MARCHF4: variants seen among roughly 807,000 people sequenced by gnomAD.
MARCHF4 encodes membrane associated ring-CH-type finger 4.
A neutral mutation model predicts 43.9 loss-of-function variants in MARCHF4; 14 were observed. That is an observed-to-expected ratio of 0.32 (90% CI 0.21 to 0.50). The LOEUF (loss-of-function observed/expected upper bound fraction) is 0.50, where lower values mean the gene tolerates loss of function less well. Among genes scored for constraint, MARCHF4 ranks in the 20% least tolerant of loss-of-function variants. MARCHF4 has a pLI of 0.98. For synonymous variants in MARCHF4, 226 were observed against 213.3 expected (o/e 1.06, Z -0.52); for missense variants, 468 against 536.7 (o/e 0.87, Z 1.27).
At chr2:216,352,310 T>C (rs1692415056) in intron 1 of MARCHF4, among the ~76,000 whole-genome samples, 1 of 152,148 alleles carries the variant, frequency 6.6e-6, no homozygotes. Context: ...CCAGGCTGGG[T>C]TAGGCCAGGG....
At chr2:216,355,535 T>C (rs784553) in intron 1 of MARCHF4, among the ~76,000 whole-genome samples, 111,037 of 152,146 alleles carry the variant, frequency 0.73, 41,926 homozygotes, top group East Asian at 0.96. Context: ...GGAGGAACCT[T>C]TCTCTAGGGT....
intron 1 of MARCHF4, among the ~76,000 whole-genome samples, chr2:216,340,736 C>T (rs1441613639): frequency 6.6e-6 from 1 of 152,162 alleles, no homozygotes. Context: ...GTCTATGAGC[C>T]AAGTATTTCA....
intron 1 of MARCHF4, among the ~76,000 whole-genome samples, chr2:216,306,752 C>G (rs1257583197): frequency 6.6e-6 from 1 of 152,068 alleles, no homozygotes; most frequent in African/African-American, 2.4e-5. Flanking sequence ...TGAACTGAGG[C>G]TAGAAATGAG....
intron 2 of MARCHF4, among the ~76,000 whole-genome samples, chr2:216,280,695 A>G (rs1691113581): frequency 1.3e-5 from 2 of 151,938 alleles, no homozygotes; most frequent in African/African-American, 4.8e-5. Context: ...CTACGCCACC[A>G]CTCGGTAGCT....
At chr2:216,337,094 G>A (rs908699540) in intron 1 of MARCHF4, among the ~76,000 whole-genome samples, 4 of 151,590 alleles carry the variant, frequency 2.6e-5, no homozygotes, top group Admixed American at 1.3e-4. Flanking sequence ...GGAGGTTGCA[G>A]TGAGCTGAGA....
At chr2:216,318,127 C>G (rs1401815977) in intron 1 of MARCHF4, 2 of 152,236 alleles carry the variant, frequency 1.3e-5, no homozygotes, top group Non-Finnish European at 2.9e-5. Context: ...GCCTTCATGT[C>G]TTTACTCTCA....
chr2:216,269,626 A>G (rs536589238), intron 3 of MARCHF4, among the ~76,000 whole-genome samples: 1 of 151,860 alleles, frequency 6.6e-6, no homozygotes, highest in African/African-American at 2.4e-5. Flanking sequence ...ATCCACCCTG[A>G]TCAAGCGCTT....
intron 3 of MARCHF4, among the ~76,000 whole-genome samples, chr2:216,275,664 G>C (rs1199068004): frequency 6.6e-6 from 1 of 152,188 alleles, no homozygotes; most frequent in African/African-American, 2.4e-5. Flanking sequence ...CTTCAAATCT[G>C]TAGAGCCATT....
intron 1 of MARCHF4, among the ~76,000 whole-genome samples, chr2:216,360,468 C>T (rs2105984106): frequency 6.6e-6 from 1 of 152,066 alleles, no homozygotes; most frequent in East Asian, 1.9e-4. Flanking sequence ...CAAAAAGACA[C>T]CGAGACATGG....
chr2:216,263,394 TCCAG>T (rs1690774661), intron 3 of MARCHF4, among the ~76,000 whole-genome samples: 1 of 148,732 alleles, frequency 6.7e-6, no homozygotes, highest in South Asian at 2.1e-4. Flanking sequence ...GCCACTGCAC[TCCAG>T]CCTGGGTGCC....
intron 1 of MARCHF4, among the ~76,000 whole-genome samples, chr2:216,284,429 C>T (rs1295526227): frequency 6.6e-6 from 1 of 152,184 alleles, no homozygotes; most frequent in Non-Finnish European, 1.5e-5. Flanking sequence ...TTCCCATGAC[C>T]ATATGTCAGA....
chr2:216,343,034 C>T (rs767818031), intron 1 of MARCHF4, among the ~76,000 whole-genome samples: 1 of 152,114 alleles, frequency 6.6e-6, no homozygotes, highest in South Asian at 2.1e-4. Context: ...GGTGAACTGT[C>T]CCCCTGTCCC....
chr2:216,259,193 C>T lies in MARCHF4; in HGVS notation c.*119G>A, dbSNP rs1276887709. ...CCGCTCTGACACTACCCCAGGGCTC[C>T]CGCCAGGTCCCCCACCCTCTGCCTG... On this transcript the variant is annotated 3_prime_UTR_variant, in exon 4 of 4. Coordinates refer to ENST00000273067, the MANE Select transcript of MARCHF4 (RefSeq NM_020814.3). 6.2e-6 allele frequency: 9 copies of T among 1,451,982 alleles called. No individual in the cohort carries two copies. The highest frequency in any genetic ancestry group is 1.4e-5 in the African/African-American group (1 of 70,900). 89.9% of individuals were successfully genotyped at this position (1,451,982 alleles called of 1,614,324 possible).
intron 1 of MARCHF4, among the ~76,000 whole-genome samples, chr2:216,347,328 A>C (rs915549131): frequency 9.9e-5 from 15 of 152,172 alleles, no homozygotes; most frequent in African/African-American, 3.6e-4. Context: ...ATGATCAATC[A>C]CTCTGCAATT....
At chr2:216,282,992 C>T (rs1289858480) in intron 2 of MARCHF4, among the ~76,000 whole-genome samples, 1 of 152,176 alleles carries the variant, frequency 6.6e-6, no homozygotes, top group African/African-American at 2.4e-5. Context: ...TACAACATCC[C>T]TGCTCCAGAC....
rs59354772 is a variant in MARCHF4, at chr2:216,359,922, T to C, written c.516+9823A>G. ...TTGCACTTTTGATTATATCATACCC[T>C]CCCAATTAACTCTCCTCTCCTCCTC... is the stretch of plus-strand genomic sequence containing the variant. On this transcript the variant is annotated intron_variant, in intron 1 of 3. Coordinates refer to ENST00000273067, the MANE Select transcript of MARCHF4 (RefSeq NM_020814.3). Among the ~76,000 whole-genome samples the C allele has an allele frequency of 6.3e-3, 955 of 152,268 alleles. 10 individuals carry two copies. The highest frequency in any genetic ancestry group is 0.022 in the African/African-American group (911 of 41,548).
chr2:216,267,895 G>T (rs1027145460), intron 3 of MARCHF4, among the ~76,000 whole-genome samples: 2 of 148,098 alleles, frequency 1.4e-5, no homozygotes, highest in African/African-American at 5.3e-5. Flanking sequence ...AAAGGACAGT[G>T]CATCTGCTTC....
chr2:216,322,916 T>C (rs539695363), intron 1 of MARCHF4, among the ~76,000 whole-genome samples: 5 of 152,326 alleles, frequency 3.3e-5, no homozygotes, highest in African/African-American at 1.2e-4. Context: ...TACCATAAGA[T>C]GTCCTGTTAG....
intron 1 of MARCHF4, among the ~76,000 whole-genome samples, chr2:216,311,550 A>C (rs1375233983): frequency 1.3e-5 from 2 of 152,204 alleles, no homozygotes; most frequent in East Asian, 3.9e-4. Context: ...GAGCCACTGC[A>C]CTCGGCCGTA....
Sources: allele counts gnomAD v4.1 joint callset (sites outside exome capture counted in the v4.1 genomes callset), GRCh38; gene constraint gnomAD v4.1.1; transcripts MANE v1.5; gene names NCBI Gene and HGNC (gene_info 2026-07-23, HGNC 2026-07-21).